The following ZNF229 variants were observed in gnomAD, a reference collection of about 807,000 sequenced individuals.
ZNF229 encodes zinc finger protein 229.
A neutral mutation model predicts 11.8 loss-of-function variants in ZNF229; 10 were observed. That is an observed-to-expected ratio of 0.85 (90% CI 0.52 to 1.44). ZNF229 has a LOEUF of 1.44. ZNF229 is among the 40% of genes most tolerant of loss of function. The pLI is 0.00. For synonymous variants in ZNF229, 368 were observed against 374.8 expected (o/e 0.98, Z 0.21); for missense variants, 1,045 against 1,015.1 (o/e 1.03, Z -0.40).
rs751836046 is a variant in ZNF229, at chr19:44,429,812, ACTCTTAACAGATTT to A, written c.955_968del (p.Lys319SerfsTer2). The A allele has an allele frequency of 1.2e-5, 19 of 1,613,880 alleles. No individual in the cohort carries two copies. The East Asian group carries it at 4.0e-4, about 34-fold the overall frequency. Reference sequence around the variant, plus strand: ...GTCTGACGCCCCGACCACGCTCAAGACTCTTAACAGATTTCTCTCCTGTGGGAACTCTTTGATGT... The same window carrying A: ...GTCTGACGCCCCGACCACGCTCAAGACTCTCCTGTGGGAACTCTTTGATGT... On this transcript the variant is annotated frameshift_variant, in exon 6 of 6. Coordinates refer to ENST00000614049, the MANE Select transcript of ZNF229 (RefSeq NM_014518.4). LOFTEE classifies it low-confidence loss of function (END_TRUNC).
At chr19:44,432,492 T>G (rs963259344) in intron 4 of ZNF229, 126 bp from the exon 5 acceptor site, 66 of 1,323,100 alleles carry the variant, frequency 5.0e-5, no homozygotes, top group Non-Finnish European at 6.3e-5. Context: ...ATATACACCA[T>G]GGAATACTAT....
At chr19:44,438,586 G>C (rs1377936425) in intron 4 of ZNF229, among the ~76,000 whole-genome samples, 1 of 152,164 alleles carries the variant, frequency 6.6e-6, no homozygotes, top group African/African-American at 2.4e-5. Flanking sequence ...TTGACTAGTA[G>C]CTGGCAGCTG....
chr19:44,439,804 T>TCA (rs1158105143), intron 4 of ZNF229, among the ~76,000 whole-genome samples: 3 of 152,250 alleles, frequency 2.0e-5, no homozygotes, highest in Non-Finnish European at 2.9e-5. Context: ...ATTGATGGAT[T>TCA]CACACCTCTT....
rs775917529 is a variant in ZNF229, at chr19:44,428,255, C to CAG, written c.*46_*47dup. On this transcript the variant is annotated 3_prime_UTR_variant, in exon 6 of 6. Coordinates refer to ENST00000614049, the MANE Select transcript of ZNF229 (RefSeq NM_014518.4). ...ATGGTTTTTCTCCTGTGTTGGCTCT[C>CAG]AGATGGATAGAAAGCTCTGAGTCCC... 87 of 1,542,216 alleles carry CAG rather than the reference C, an allele frequency of 5.6e-5. No individual in the cohort carries two copies. The highest frequency in any genetic ancestry group is 7.1e-5 in the Non-Finnish European group (81 of 1,143,308).
intron 4 of ZNF229, among the ~76,000 whole-genome samples, chr19:44,437,806 T>C (rs929808523): frequency 6.6e-6 from 1 of 152,198 alleles, no homozygotes; most frequent in African/African-American, 2.4e-5. Context: ...AATGAGATCA[T>C]ATCCTCTGCA....
chr19:44,431,840 T>C (rs1971727684), intron 5 of ZNF229: 2 of 985,750 alleles, frequency 2.0e-6, no homozygotes, highest in African/African-American at 1.8e-5. Context: ...AAATCCTAAA[T>C]CCCAACGTGA....
rs763529282 is a variant in ZNF229, at chr19:44,429,002, G to C, written c.1779C>G (p.Val593=). ...RNSDLHSHQR[V]HTGERPYVCD... is the part of the protein sequence containing the mutation. Reference sequence around the variant, plus strand: ...ACACGTAGGGCCTCTCTCCCGTGTGGACCCTCTGGTGGCTGTGAAGGTCTG... The same window carrying C: ...ACACGTAGGGCCTCTCTCCCGTGTGCACCCTCTGGTGGCTGTGAAGGTCTG... Residue 593 remains valine (V), a synonymous_variant, in exon 6 of 6, where the codon GTC becomes GTG. Transcript: ENST00000614049. 5 of 1,611,646 alleles carry C rather than the reference G, an allele frequency of 3.1e-6. No homozygotes were observed. The highest frequency in any genetic ancestry group is 4.2e-6 in the Non-Finnish European group (5 of 1,179,284).
chr19:44,442,751 A>G lies in ZNF229; in HGVS notation c.34+63T>C, dbSNP rs1971935809. 7 of 1,609,312 alleles carry G rather than the reference A, an allele frequency of 4.3e-6. No homozygotes were observed. The South Asian group carries it at 6.6e-5, about 15-fold the overall frequency. The stretch of plus-strand genomic sequence containing the variant: ...ACTTGAGGAAATTCCTCAACATCCA[A>G]CTTTTTCTCCTCCACACTCAGTTTG... On this transcript the variant is annotated intron_variant, in intron 3 of 5. Coordinates refer to ENST00000614049, the MANE Select transcript of ZNF229 (RefSeq NM_014518.4).
In ZNF229 at chr19:44,430,893, C is replaced by T. The variant is rs542356667; in HGVS notation, c.239-351G>A. Among the ~76,000 whole-genome samples, 9 of 152,254 alleles carry T rather than the reference C, an allele frequency of 5.9e-5. No homozygotes were observed. The East Asian group carries it at 7.7e-4, about 13-fold the overall frequency. ...ACACTTCCTATCTGCCAATGATGTA[C>T]ACATATTAACTGACTTAAACCTCAG... On this transcript the variant is annotated intron_variant, in intron 5 of 5. Transcript: ENST00000614049.
At position 44,428,309 on chromosome 19, in the gene ZNF229, AT is replaced by A; in HGVS notation, c.2471del (p.Tyr824LeufsTer6). The A allele has an allele frequency of 6.2e-7, 1 of 1,608,354 alleles. No homozygotes were observed. Among genetic ancestry groups the A allele is most frequent in the Non-Finnish European group, 8.5e-7 (1 of 1,176,134 alleles). ...TGGAATCCTCTATGTACATCTACTT[AT>A]AAGGGTTCTCGCCTAAATGCACTCT... ...HQRVHLGENP[Y>X]K On this transcript the variant is annotated frameshift_variant, in exon 6 of 6. Coordinates refer to ENST00000614049, the MANE Select transcript of ZNF229 (RefSeq NM_014518.4). LOFTEE classifies it high-confidence loss of function.
At chr19:44,445,611 C>T (rs530447862) in intron 2 of ZNF229, among the ~76,000 whole-genome samples, 1 of 152,248 alleles carries the variant, frequency 6.6e-6, no homozygotes, top group South Asian at 2.1e-4. Context: ...CAGTGAAATT[C>T]ATCCCTCATT....
chr19:44,436,687 T>C (rs779241152), intron 4 of ZNF229, among the ~76,000 whole-genome samples: 34 of 151,034 alleles, frequency 2.3e-4, no homozygotes, highest in Non-Finnish European at 4.6e-4. Context: ...AAGAATCACT[T>C]GAGCCTGGGG....
rs1175265527 is a variant in ZNF229, at chr19:44,428,838, C to G, written c.1943G>C (p.Arg648Thr). The G allele has an allele frequency of 6.2e-7, 1 of 1,614,000 alleles. No individual in the cohort carries two copies. Among genetic ancestry groups the G allele is most frequent in the Non-Finnish European group, 8.5e-7 (1 of 1,180,032 alleles). Residue 648 changes from arginine (R) to threonine (T), a missense_variant, in exon 6 of 6, where the codon AGA becomes ACA. Arg to Thr is a moderately conservative substitution (Grantham distance 71). Coordinates refer to ENST00000614049, the MANE Select transcript of ZNF229 (RefSeq NM_014518.4). ...GTAAGGTTTCTCGCCTGTGTGGACT[C>G]TCTGGTGAATGAGAAGCCCTGAGCT... The part of the protein sequence containing the change: ...SYSSGLLIHQ[R>T]VHTGEKPYRC...
At position 44,426,552 on chromosome 19, in the gene ZNF229, AT is replaced by A. The variant is rs1971575295; in HGVS notation, c.*1750del. 6.6e-6 allele frequency: 1 copy of A among 152,174 alleles called. No homozygotes were observed. Among genetic ancestry groups the A allele is most frequent in the Admixed American group, 6.5e-5 (1 of 15,278 alleles). 9.4% of individuals were successfully genotyped at this position (152,174 alleles called of 1,614,324 possible). ...ACTCTCCTGGTTCACTAAATACTTC[AT>A]GAGCAACCTGCATTGTCATTATCTG... is the stretch of plus-strand genomic sequence containing the variant. On this transcript the variant is annotated 3_prime_UTR_variant, in exon 6 of 6. Coordinates refer to ENST00000614049, the MANE Select transcript of ZNF229 (RefSeq NM_014518.4).
In ZNF229 at chr19:44,429,442, C is replaced by A; in HGVS notation, c.1339G>T (p.Ala447Ser). The A allele has an allele frequency of 6.2e-7, 1 of 1,613,836 alleles. No homozygotes were observed. Among genetic ancestry groups the A allele is most frequent in the Admixed American group, 1.7e-5 (1 of 59,976 alleles). Residue 447 changes from alanine (A) to serine (S), a missense_variant, in exon 6 of 6, where the codon GCA (alanine) becomes TCA (serine). Coordinates refer to ENST00000614049, the MANE Select transcript of ZNF229 (RefSeq NM_014518.4). ...ECGKGFCAKS[A>S]LHKHQHIHPG... ...TGAATGTGCTGGTGTTTGTGCAGTGCAGACTTGGCACAGAAGCCTTTGCCA... is the reference window on the plus strand; with the variant it reads ...TGAATGTGCTGGTGTTTGTGCAGTGAAGACTTGGCACAGAAGCCTTTGCCA...
intron 4 of ZNF229, among the ~76,000 whole-genome samples, chr19:44,442,045 T>C (rs1002794414): frequency 3.9e-5 from 6 of 152,230 alleles, no homozygotes; most frequent in Non-Finnish European, 8.8e-5. Context: ...ACAAGAATGC[T>C]CAGGTCTTTA....
rs1444562783 is a variant in ZNF229 at position 44,430,427 on chromosome 19, C to CCCAG, written c.350_353dup (p.Ser119TrpfsTer6). 1.2e-6 allele frequency: 2 copies of CCCAG among 1,614,136 alleles called. No homozygotes were observed. The highest frequency in any genetic ancestry group is 1.7e-6 in the Non-Finnish European group (2 of 1,180,036). Reference sequence around the variant, plus strand: ...GCAGATTTACTCTACAGTCTTGGCTCCCAGGTAATTCACCTGCCACCTCTT... The same window carrying CCCAG: ...GCAGATTTACTCTACAGTCTTGGCTCCCAGCCAGGTAATTCACCTGCCACCTCTT... On this transcript the variant is annotated frameshift_variant, in exon 6 of 6. Coordinates refer to ENST00000614049, the MANE Select transcript of ZNF229 (RefSeq NM_014518.4). LOFTEE classifies it low-confidence loss of function (END_TRUNC).
intron 2 of ZNF229, among the ~76,000 whole-genome samples, chr19:44,443,937 C>A (rs1289034497): frequency 6.6e-6 from 1 of 152,066 alleles, no homozygotes; most frequent in Non-Finnish European, 1.5e-5. Flanking sequence ...CCCCGCCCCA[C>A]CCCCCAGACT....
intron 4 of ZNF229, among the ~76,000 whole-genome samples, chr19:44,433,885 G>A (rs1178569242): frequency 6.6e-6 from 1 of 152,102 alleles, no homozygotes; most frequent in Non-Finnish European, 1.5e-5. Flanking sequence ...TCCTGTCTCA[G>A]CCTCCTGAGT....
Sources: gnomAD v4.1 joint callset for allele counts (sites outside exome capture counted in the v4.1 genomes callset) on GRCh38, gnomAD v4.1.1 for gene constraint, MANE v1.5 for transcripts, NCBI Gene and HGNC (gene_info 2026-07-23, HGNC 2026-07-21) for gene names.